Variants in C12orf42 observed in about 807,000 individuals in gnomAD.
C12orf42 encodes chromosome 12 open reading frame 42.
A neutral mutation model predicts 21.6 loss-of-function variants in C12orf42; 25 were observed. The observed-to-expected ratio is 1.16, with a 90% confidence interval of 0.84 to 1.62. The LOEUF (loss-of-function observed/expected upper bound fraction) is 1.62, where lower values mean the gene tolerates loss of function less well. Ranked by LOEUF, C12orf42 falls within the 40% of genes most tolerant of loss-of-function variation. The pLI is 0.00. For missense variants in C12orf42, 483 were observed against 459.3 expected (o/e 1.05, Z -0.47); for synonymous variants, 174 against 175.0 (o/e 0.99, Z 0.05).
At chr12:103,523,363 A>G in the C12orf42 span, among the ~76,000 whole-genome samples, 1 of 152,026 alleles carries the variant, frequency 6.6e-6, no homozygotes, top group Non-Finnish European at 1.5e-5. Context: ...CTGATTTTTT[A>G]TAGCTTTTGG....
At chr12:103,455,940 C>T (rs2137568786) in intron 2 of C12orf42, among the ~76,000 whole-genome samples, 1 of 152,164 alleles carries the variant, frequency 6.6e-6, no homozygotes, top group East Asian at 1.9e-4. Context: ...CTATCTCCTG[C>T]TTGAGTTCCA....
chr12:103,469,448 T>C (rs1434691986), intron 2 of C12orf42, among the ~76,000 whole-genome samples: 9 of 152,264 alleles, frequency 5.9e-5, no homozygotes, highest in African/African-American at 1.9e-4. Context: ...TTTTTCTCCA[T>C]GCAGACTTTA....
At chr12:103,542,933 A>T in the C12orf42 span, among the ~76,000 whole-genome samples, 1 of 152,254 alleles carries the variant, frequency 6.6e-6, no homozygotes, top group Admixed American at 6.5e-5. Context: ...GAATTACAAC[A>T]TCTACGACCA....
intron 10 of C12orf42, among the ~76,000 whole-genome samples, chr12:103,263,113 G>A (rs998334404): frequency 3.3e-5 from 5 of 151,996 alleles, no homozygotes; most frequent in African/African-American, 1.2e-4. Context: ...GAGATCACTT[G>A]GACACGGTGG....
At chr12:103,506,800 T>C in the C12orf42 span, among the ~76,000 whole-genome samples, 1 of 118,476 alleles carries the variant, frequency 8.4e-6, no homozygotes, top group South Asian at 2.4e-4. Flanking sequence ...CTCTGGGTGA[T>C]GTATCAAATA....
the C12orf42 span, among the ~76,000 whole-genome samples, chr12:103,092,497 G>A: frequency 2.6e-5 from 4 of 152,136 alleles, no homozygotes; most frequent in Admixed American, 2.6e-4. Context: ...TTAATTACAT[G>A]GAGCTGCTGC....
At chr12:103,264,612 T>C (rs941770678), downstream of C12orf42, among the ~76,000 whole-genome samples, 1 of 152,194 alleles carries the variant, frequency 6.6e-6, no homozygotes, top group Non-Finnish European at 1.5e-5. Context: ...CAACCTGACA[T>C]TGCCCATTCA....
chr12:103,195,829 C>T, the C12orf42 span, among the ~76,000 whole-genome samples: 3 of 151,948 alleles, frequency 2.0e-5, no homozygotes, highest in Non-Finnish European at 4.4e-5. Context: ...GTTGTAATTG[C>T]TTTTGGAGTC....
chr12:103,446,875 G>C (rs779733552), intron 2 of C12orf42, among the ~76,000 whole-genome samples: 1 of 151,836 alleles, frequency 6.6e-6, no homozygotes, highest in East Asian at 1.9e-4. Context: ...ATTACTACTA[G>C]GCCTAAGAAA....
the C12orf42 span, among the ~76,000 whole-genome samples, chr12:103,514,241 G>T: frequency 2.9e-4 from 44 of 152,100 alleles, no homozygotes; most frequent in Non-Finnish European, 5.1e-4. Context: ...ATCTCTACCT[G>T]GTCCTTCCCA....
At chr12:103,481,796 TTTTG>T (rs1425716673) in intron 1 of C12orf42, among the ~76,000 whole-genome samples, 1 of 151,120 alleles carries the variant, frequency 6.6e-6, no homozygotes, top group Admixed American at 6.6e-5. Flanking sequence ...TTCTTCTGTT[TTTTG>T]TTTGGGTTTT....
intron 3 of C12orf42, among the ~76,000 whole-genome samples, chr12:103,387,739 T>A (rs369959278): frequency 9.9e-4 from 151 of 152,322 alleles, no homozygotes; most frequent in African/African-American, 3.1e-3. Context: ...TCACTGTCTA[T>A]CTCTAATACC....
rs1314742610 is a variant in C12orf42 at position 103,302,126 on chromosome 12, C to A, written c.1065G>T (p.Val355=). 2.5e-6 allele frequency: 4 copies of A among 1,612,250 alleles called. No individual in the cohort carries two copies. The highest frequency in any genetic ancestry group is 2.7e-5 in the African/African-American group (2 of 74,862). The change falls in exon 6 of 6, where the codon GTG becomes GTT. Residue 355 remains valine (V), a synonymous_variant. Coordinates refer to ENST00000548883, the MANE Select transcript of C12orf42 (RefSeq NM_198521.5). ...GCAGCGGTCAATGTAAGTGAGCATT[C>A]ACCACCGGCCTAGAAAGGGCCTGTG... ...VCSQALSRPV[V]NAHLH is the part of the protein sequence containing the mutation.
the C12orf42 span, among the ~76,000 whole-genome samples, chr12:103,507,103 TAATATA>T: frequency 7.3e-4 from 11 of 15,170 alleles, no homozygotes; most frequent in African/African-American, 7.3e-3. Context: ...ATTATATATA[TAATATA>T]AATATATATT....
At chr12:103,480,457 G>A (rs1057059487) in intron 1 of C12orf42, among the ~76,000 whole-genome samples, 3 of 150,860 alleles carry the variant, frequency 2.0e-5, no homozygotes, top group African/African-American at 7.3e-5. Context: ...TGTGGGGGGT[G>A]TTTGTTTTAA....
At chr12:103,230,847 G>T in the C12orf42 span, among the ~76,000 whole-genome samples, 14 of 151,490 alleles carry the variant, frequency 9.2e-5, no homozygotes, top group Non-Finnish European at 1.6e-4. Flanking sequence ...AATTTCTTTG[G>T]ACTTATGCTG....
the C12orf42 span, chr12:103,159,684 T>C: frequency 6.6e-6 from 1 of 152,220 alleles, no homozygotes; most frequent in Non-Finnish European, 1.5e-5. Flanking sequence ...CCATTTAATT[T>C]CCCCTTCAAT....
the C12orf42 span, among the ~76,000 whole-genome samples, chr12:103,086,686 T>A: frequency 6.6e-6 from 1 of 151,874 alleles, no homozygotes; most frequent in South Asian, 2.1e-4. Flanking sequence ...GAAACCCCAA[T>A]AACTCAAGGG....
downstream of C12orf42, among the ~76,000 whole-genome samples, chr12:103,266,073 T>C (rs937623631): frequency 6.6e-6 from 1 of 152,176 alleles, no homozygotes; most frequent in Non-Finnish European, 1.5e-5. Flanking sequence ...AGGTACTGTT[T>C]ATGCTCTCTG....
Sources: allele counts gnomAD v4.1 joint callset (sites outside exome capture counted in the v4.1 genomes callset), GRCh38; gene constraint gnomAD v4.1.1; transcripts MANE v1.5; gene names NCBI Gene and HGNC (gene_info 2026-07-23, HGNC 2026-07-21).